Variants in PRDM2 observed in about 807,000 individuals in gnomAD.
The protein encoded by PRDM2 is PR domain zinc finger protein 2.
In PRDM2, 30 loss-of-function variants were observed where a neutral mutation model predicts 130.0. The ratio of observed to expected loss-of-function variants is 0.23; its 90% CI spans 0.17 to 0.31. The LOEUF (loss-of-function observed/expected upper bound fraction) is 0.31, where lower values mean the gene tolerates loss of function less well. Ranked by LOEUF, PRDM2 falls within the 10% of genes least tolerant of loss-of-function variation. The pLI, the probability that PRDM2 is intolerant of heterozygous loss-of-function variation, is 1.00. For synonymous variants in PRDM2, 871 were observed against 782.4 expected (o/e 1.11, Z -1.89); for missense variants, 2,011 against 2,108.4 (o/e 0.95, Z 0.90).
chr1:13,728,466 C>A (rs1015427345), intron 2 of PRDM2, among the ~76,000 whole-genome samples: 2 of 152,172 alleles, frequency 1.3e-5, no homozygotes, highest in Admixed American at 6.5e-5. Context: ...CAGTTTGCAG[C>A]CATAGCCACG....
intron 2 of PRDM2, among the ~76,000 whole-genome samples, chr1:13,726,997 G>A (rs1642939207): frequency 6.6e-6 from 1 of 152,102 alleles, no homozygotes; most frequent in Admixed American, 6.5e-5. Flanking sequence ...ATTCTGGGTA[G>A]ACAAGCGAAT....
intron 3 of PRDM2, among the ~76,000 whole-genome samples, chr1:13,731,674 T>C (rs78615269): frequency 0.01 from 1,549 of 152,210 alleles, 24 homozygotes; most frequent in African/African-American, 0.036. Flanking sequence ...ACCAGGCGCG[T>C]GTGTGTTTGG....
chr1:13,751,962 T>C (rs1000313025), intron 6 of PRDM2, among the ~76,000 whole-genome samples: 3 of 144,026 alleles, frequency 2.1e-5, no homozygotes, highest in African/African-American at 7.8e-5. Flanking sequence ...TCTTCTCTCC[T>C]CCCCTCCCCT....
At chr1:13,736,005 T>A (rs113594579) in intron 4 of PRDM2, among the ~76,000 whole-genome samples, 1 of 152,318 alleles carries the variant, frequency 6.6e-6, no homozygotes, top group Non-Finnish European at 1.5e-5. Flanking sequence ...AGAAATTGAT[T>A]CAATTGAGAT....
At position 13,701,563 on chromosome 1, in the gene PRDM2, TCCAAACTGCC is replaced by T. The variant is rs145984748; in HGVS notation, c.-66+1267_-66+1276del. On this transcript the variant is annotated intron_variant, in intron 1 of 9. Transcript: ENST00000311066. ...GTAGGGTTCTGTGTTTTTGAGATGGTCCAAACTGCCCCATCACTCTTGAGGCTTCCGGACT... is the reference window on the plus strand; with the variant it reads ...GTAGGGTTCTGTGTTTTTGAGATGGTCCATCACTCTTGAGGCTTCCGGACT... Among the ~76,000 whole-genome samples, 328 of 152,308 alleles carry T rather than the reference TCCAAACTGCC, an allele frequency of 2.2e-3. 7 individuals carry two copies. In the South Asian group the frequency reaches 0.048, roughly 22 times the overall value.
At position 13,812,331 on chromosome 1, in the gene PRDM2, GC is replaced by G. The variant is rs1055360430; in HGVS notation, c.5037-4095del. 1.2e-4 allele frequency among the ~76,000 whole-genome samples: 5 copies of G among 40,012 alleles called. 1 individual carries two copies. The highest frequency in any genetic ancestry group is 2.4e-4 in the African/African-American group (2 of 8,308). The allele number at this position is 40,012 out of a possible 152,430, so 26.2% of individuals were successfully genotyped here. A position where few individuals can be genotyped will look rare whatever the true frequency, so the allele number is the denominator to read the frequency against. On this transcript the variant is annotated intron_variant, in intron 8 of 9. Coordinates refer to ENST00000311066, the MANE Select transcript of PRDM2 (RefSeq NM_001393986.1). The stretch of plus-strand genomic sequence containing the variant: ...ATGGATCAGCTTTAGGGTAAGCACA[GC>G]GGGGGGTCTCACAGGCCCCATGATC...
intron 6 of PRDM2, among the ~76,000 whole-genome samples, chr1:13,760,584 G>T (rs1187841516): frequency 6.6e-6 from 1 of 152,160 alleles, no homozygotes; most frequent in African/African-American, 2.4e-5. Context: ...CATAGCTTTG[G>T]AATTAAGAGA....
chr1:13,731,177 T>C, intron 3 of PRDM2, 60 bp downstream of exon 3: 2 of 1,346,410 alleles, frequency 1.5e-6, no homozygotes, highest in Non-Finnish European at 2.1e-6. Context: ...GCAGTGAGGC[T>C]TCCTGCAGGG....
In PRDM2 at chr1:13,782,510, C is replaced by T. The variant is rs1415340660; in HGVS notation, c.4715C>T (p.Ser1572Phe). Residue 1572 changes from serine to phenylalanine, a missense_variant, in exon 8 of 10, where the codon TCT becomes TTT. By Grantham distance (155) the Ser-to-Phe change is radical (BLOSUM62 -2). Around this residue, in one of 5 missense-constraint regions of PRDM2, gnomAD observed 410 missense variants for 395.9 expected, o/e 1.04. Transcript: ENST00000311066. Reference protein sequence around the residue: ...SVKSKKPSSSSLRNSSPIRMA... With the variant: ...SVKSKKPSSSFLRNSSPIRMA... ...AAATCCAAAAAACCAAGCTCCTCCT[C>T]TTTAAGGAACTCCAGCCCGATAAGA... is the stretch of plus-strand genomic sequence containing the variant. The T allele has an allele frequency of 6.2e-7, 1 of 1,614,140 alleles. No individual in the cohort carries two copies. Among genetic ancestry groups the T allele is most frequent in the South Asian group, 1.1e-5 (1 of 91,084 alleles).
chr1:13,783,368 A>T (rs1207843005), intron 8 of PRDM2, among the ~76,000 whole-genome samples: 1 of 152,210 alleles, frequency 6.6e-6, no homozygotes, highest in East Asian at 1.9e-4. Context: ...ATAGTCCTTT[A>T]AAAAGGTCTT....
At chr1:13,787,261 C>T (rs1345064284) in intron 8 of PRDM2, 2 of 983,356 alleles carry the variant, frequency 2.0e-6, no homozygotes, top group African/African-American at 3.5e-5. Flanking sequence ...AGTGCACAGG[C>T]GCATCCCAGG....
intron 1 of PRDM2, among the ~76,000 whole-genome samples, chr1:13,712,053 C>CAA (rs5772549): frequency 3.0e-4 from 25 of 83,838 alleles, no homozygotes; most frequent in East Asian, 1.3e-3. Context: ...CATCTCTACC[C>CAA]AAAAAAAAAA....
At chr1:13,733,896 AC>A (rs1569791597) in intron 4 of PRDM2, among the ~76,000 whole-genome samples, 1 of 152,222 alleles carries the variant, frequency 6.6e-6, no homozygotes, top group African/African-American at 2.4e-5. Context: ...GTTTTTTCAC[AC>A]ATTAACATAG....
chr1:13,786,515 G>A (rs1275563906), intron 8 of PRDM2: 3 of 1,610,496 alleles, frequency 1.9e-6, no homozygotes, highest in Non-Finnish European at 2.5e-6. Flanking sequence ...TATTTTCTAG[G>A]AACTTCCTGT....
chr1:13,794,175 G>A (rs972601627), intron 8 of PRDM2, among the ~76,000 whole-genome samples: 1 of 152,180 alleles, frequency 6.6e-6, no homozygotes, highest in African/African-American at 2.4e-5. Context: ...GACAGGCAGC[G>A]GAATGTAGGT....
At chr1:13,702,642 T>C (rs974267164) in intron 1 of PRDM2, among the ~76,000 whole-genome samples, 3 of 152,226 alleles carry the variant, frequency 2.0e-5, no homozygotes, top group African/African-American at 7.2e-5. Context: ...TATTTATTCA[T>C]GAGACTGTTT....
chr1:13,722,254 G>T (rs1414688766), intron 2 of PRDM2, among the ~76,000 whole-genome samples: 1 of 152,128 alleles, frequency 6.6e-6, no homozygotes. Flanking sequence ...CGGTCGTTGC[G>T]AGTTGTTGGG....
At chr1:13,720,869 A>G (rs1204880567) in intron 2 of PRDM2, among the ~76,000 whole-genome samples, 1 of 152,230 alleles carries the variant, frequency 6.6e-6, no homozygotes, top group Admixed American at 6.5e-5. Flanking sequence ...TTGACTTTAA[A>G]AATCAACTTT....
In PRDM2 at chr1:13,778,542, G is replaced by GCCAGAA. The variant is rs746212654; in HGVS notation, c.753_758dup (p.Glu251_Pro252dup). 1.2e-6 allele frequency: 2 copies of GCCAGAA among 1,614,182 alleles called. No homozygotes were observed. Among genetic ancestry groups the GCCAGAA allele is most frequent in the South Asian group, 1.1e-5 (1 of 91,080 alleles). ...CCCCTGCCCCTGCCTGGGAGCCACA[G>GCCAGAA]CCAGAACCAGACGAGCGATTAGAAG... On this transcript the variant is annotated inframe_insertion, in exon 8 of 10. Transcript: ENST00000311066.
Sources: allele counts gnomAD v4.1 joint callset (sites outside exome capture counted in the v4.1 genomes callset), GRCh38; gene constraint gnomAD v4.1.1; regional missense constraint gnomAD v4.1.1; transcripts MANE v1.5; gene names NCBI Gene and HGNC (gene_info 2026-07-23, HGNC 2026-07-21).